The following PDCD6IP variants were observed in gnomAD, a reference collection of about 807,000 sequenced individuals.
PDCD6IP encodes programmed cell death 6-interacting protein.
A neutral mutation model predicts 103.7 loss-of-function variants in PDCD6IP; 43 were observed. The ratio of observed to expected loss-of-function variants is 0.41; its 90% CI spans 0.32 to 0.53. PDCD6IP has a LOEUF of 0.53. Among genes scored for constraint, PDCD6IP ranks in the 20% least tolerant of loss-of-function variants. The pLI, the probability that PDCD6IP is intolerant of heterozygous loss-of-function variation, is 0.16. For synonymous variants in PDCD6IP, 354 were observed against 378.7 expected (o/e 0.93, Z 0.76); for missense variants, 871 against 1,036.7 (o/e 0.84, Z 2.20).
At chr3:33,855,462 C>G (rs1697806250) in intron 15 of PDCD6IP, 1 of 419,874 alleles carries the variant, frequency 2.4e-6, no homozygotes, top group Non-Finnish European at 4.3e-6. Context: ...AGCAGAAACT[C>G]TAGATGCAGG....
chr3:33,864,217 A>G, intron 16 of PDCD6IP, 88 bp downstream of exon 16: 1 of 836,278 alleles, frequency 1.2e-6, no homozygotes, highest in African/African-American at 1.7e-5. Context: ...TTACATAGGA[A>G]GGATCTAGTG....
intron 2 of PDCD6IP, 42 bp from the exon 3 acceptor site, chr3:33,813,517 A>G (rs1384556143): frequency 1.7e-6 from 2 of 1,200,866 alleles, no homozygotes. Context: ...AATGAGATTC[A>G]GGAAGGTTAC....
chr3:33,827,744 T>TC (rs971528202), intron 6 of PDCD6IP: 9 of 152,200 alleles, frequency 5.9e-5, no homozygotes, highest in African/African-American at 1.9e-4. Context: ...TTCCTGGTAT[T>TC]CCTTGAAAAT....
At chr3:33,806,879 A>G (rs780995267) in intron 1 of PDCD6IP, among the ~76,000 whole-genome samples, 2 of 152,210 alleles carry the variant, frequency 1.3e-5, no homozygotes, top group African/African-American at 2.4e-5. Flanking sequence ...GCAGTTAGCA[A>G]TGGCTGCTTT....
At chr3:33,839,082 C>T (rs6765231) in intron 9 of PDCD6IP, among the ~76,000 whole-genome samples, 50,748 of 151,980 alleles carry the variant, frequency 0.33, 9,003 homozygotes, top group African/African-American at 0.44. Flanking sequence ...GCTGGGATTA[C>T]GGGCATGAGC....
At position 33,842,008 on chromosome 3, in the gene PDCD6IP, G is replaced by A; in HGVS notation, c.1293G>A (p.Gln431=). The A allele has an allele frequency of 6.2e-7, 1 of 1,611,340 alleles. No homozygotes were observed. ...SRSVIEQGGI[Q]TVDQLIKELP... ...CTGTGATTGAACAGGGAGGCATCCA[G>A]ACTGTTGATCAGTTGATTAAAGAAC... Residue 431 remains glutamine (Q), a synonymous_variant, in exon 10 of 18, where the codon CAG becomes CAA. Coordinates refer to ENST00000307296, the MANE Select transcript of PDCD6IP (RefSeq NM_013374.6).
At chr3:33,823,509 C>T (rs139788938) in intron 4 of PDCD6IP, among the ~76,000 whole-genome samples, 62 of 152,290 alleles carry the variant, frequency 4.1e-4, no homozygotes, top group African/African-American at 1.4e-3. Flanking sequence ...ACGAGCTGGG[C>T]GTGGTGGCTC....
intron 7 of PDCD6IP, 43 bp from the exon 8 acceptor site, chr3:33,836,001 C>A: frequency 2.9e-6 from 3 of 1,043,032 alleles, no homozygotes; most frequent in Non-Finnish European, 2.9e-6. Flanking sequence ...AATAAAATCA[C>A]CTCCCTCTTT....
At chr3:33,850,718 A>G (rs1268147619) in intron 12 of PDCD6IP, among the ~76,000 whole-genome samples, 2 of 152,144 alleles carry the variant, frequency 1.3e-5, no homozygotes, top group East Asian at 3.9e-4. Context: ...ACATCGTCTG[A>G]TATCAAGTTC....
chr3:33,834,834 GAGTCT>G (rs1697313654), intron 7 of PDCD6IP, among the ~76,000 whole-genome samples: 2 of 152,042 alleles, frequency 1.3e-5, no homozygotes, highest in Admixed American at 6.6e-5. Flanking sequence ...TCTATTTGTG[GAGTCT>G]AGTGTTCTCT....
intron 10 of PDCD6IP, among the ~76,000 whole-genome samples, chr3:33,843,850 A>G (rs1697529066): frequency 1.3e-5 from 2 of 149,380 alleles, no homozygotes; most frequent in Admixed American, 1.3e-4. Context: ...TGATATATGG[A>G]TGTAAATAGT....
At chr3:33,799,696 AAAC>A (rs963419039) in intron 1 of PDCD6IP, among the ~76,000 whole-genome samples, 1 of 152,214 alleles carries the variant, frequency 6.6e-6, no homozygotes, top group African/African-American at 2.4e-5. Flanking sequence ...TTTTATAGTT[AAAC>A]ATTTCTTTTG....
At position 33,853,903 on chromosome 3, in the gene PDCD6IP, A is replaced by G; in HGVS notation, c.1915A>G (p.Met639Val). Residue 639 changes from methionine (M) to valine (V), a missense_variant, in exon 14 of 18, where the codon ATG (methionine) becomes GTG (valine). Transcript: ENST00000307296. ...GGTCTCACATCAGGAATTTTCAAAA[A>G]TGAAACAATCTAATAATGAAGCTAA... Reference protein sequence around the residue: ...IQVSHQEFSKMKQSNNEANLR... With the variant: ...IQVSHQEFSKVKQSNNEANLR... 6.5e-7 allele frequency: 1 copy of G among 1,545,710 alleles called. No individual in the cohort carries two copies. The highest frequency in any genetic ancestry group is 1.3e-5 in the South Asian group (1 of 76,752).
chr3:33,804,262 G>A (rs751941830), intron 1 of PDCD6IP, among the ~76,000 whole-genome samples: 6 of 152,174 alleles, frequency 3.9e-5, no homozygotes, highest in African/African-American at 1.4e-4. Flanking sequence ...CTCAGGTTCC[G>A]CACAGGAAGA....
At position 33,798,664 on chromosome 3, in the gene PDCD6IP, C is replaced by G. The variant is rs934857814; in HGVS notation, c.-65C>G. On this transcript the variant is annotated 5_prime_UTR_variant, in exon 1 of 18. Transcript: ENST00000307296. ...GCCAGTCCGCCAGCCCAGTACCTCT[C>G]TCTCCTCGGCCCTCGTAAGCTGTCC... 131 of 1,400,146 alleles carry G rather than the reference C, an allele frequency of 9.4e-5. No homozygotes were observed. Among genetic ancestry groups the G allele is most frequent in the Admixed American group, 2.0e-4 (8 of 40,558 alleles). 86.7% of individuals were successfully genotyped at this position (1,400,146 alleles called of 1,614,324 possible).
In PDCD6IP at chr3:33,845,516, G is replaced by T. The variant is rs112754416; in HGVS notation, c.1569G>T (p.Leu523Phe). Residue 523 changes from leucine (L) to phenylalanine (F), a missense_variant, in exon 12 of 18, where the codon TTG (leucine) becomes TTT (phenylalanine). Physicochemically the swap from Leu to Phe is conservative, Grantham distance 22 (BLOSUM62 0). Coordinates refer to ENST00000307296, the MANE Select transcript of PDCD6IP (RefSeq NM_013374.6). ...YQSHRDTIVL[L>F]CKPEPELNAA... ...CTCATCGTGACACCATCGTGCTTTT[G>T]TGTAAGCCAGAGCCTGAGCTGAATG... The T allele has an allele frequency of 1.9e-6, 3 of 1,613,940 alleles. No individual in the cohort carries two copies. The highest frequency in any genetic ancestry group is 2.5e-6 in the Non-Finnish European group (3 of 1,179,868).
Position 33,798,635 on chromosome 3 carries a change from G to T in PDCD6IP, c.-94G>T. 1 of 1,208,472 alleles carries T rather than the reference G, an allele frequency of 8.3e-7. No homozygotes were observed. Among genetic ancestry groups the T allele is most frequent in the Non-Finnish European group, 1.1e-6 (1 of 887,452 alleles). 74.9% of individuals were successfully genotyped at this position (1,208,472 alleles called of 1,614,324 possible). The stretch of plus-strand genomic sequence containing the variant: ...GGAGCGCAAGTCTGTCAGCCAGTCA[G>T]TCCGCCAGTCCGCCAGCCCAGTACC... On this transcript the variant is annotated 5_prime_UTR_variant, in exon 1 of 18. Transcript: ENST00000307296.
At chr3:33,836,890 A>G (rs1697360753) in intron 8 of PDCD6IP, among the ~76,000 whole-genome samples, 1 of 151,450 alleles carries the variant, frequency 6.6e-6, no homozygotes, top group African/African-American at 2.4e-5. Context: ...TAAAATAAAT[A>G]TAAAAATAAA....
At chr3:33,831,695 ATAGT>A (rs1016095700) in intron 7 of PDCD6IP, among the ~76,000 whole-genome samples, 30 of 151,988 alleles carry the variant, frequency 2.0e-4, no homozygotes, top group African/African-American at 6.8e-4. Context: ...CTACTGCCCC[ATAGT>A]TAATTTCCAT....
Sources: gnomAD v4.1 joint callset for allele counts (sites outside exome capture counted in the v4.1 genomes callset) on GRCh38, gnomAD v4.1.1 for gene constraint, MANE v1.5 for transcripts, NCBI Gene and HGNC (gene_info 2026-07-23, HGNC 2026-07-21) for gene names.